Variants in RAMP1 observed in about 807,000 individuals in gnomAD.
RAMP1 encodes receptor activity-modifying protein 1.
Under a neutral mutation model 8.2 loss-of-function variants are expected in RAMP1, and 7 were observed. The ratio of observed to expected loss-of-function variants is 0.85; its 90% confidence interval spans 0.49 to 1.60. RAMP1 has a LOEUF of 1.60. Among genes scored for constraint, RAMP1 ranks in the 40% most tolerant of loss-of-function variants. The probability of loss-of-function intolerance (pLI) is 0.00; values close to 1 mark genes in which losing one functional copy is unlikely to be tolerated. For missense variants in RAMP1, 192 were observed against 202.4 expected, an observed-to-expected ratio of 0.95 and a Z score of 0.31; for synonymous variants, 92 against 84.7, an observed-to-expected ratio of 1.09 and a Z score of -0.47.
chr2:237,905,709 C>A (rs976576655), intron 2 of RAMP1, among the ~76,000 whole-genome samples: 7 of 152,168 alleles, frequency 4.6e-5, no homozygotes. Context: ...AGAGGATCAT[C>A]ATTCAAAGCA....
intron 2 of RAMP1, among the ~76,000 whole-genome samples, chr2:237,890,337 G>A (rs1025406473): frequency 1.3e-5 from 2 of 152,016 alleles, no homozygotes; most frequent in Non-Finnish European, 2.9e-5. Flanking sequence ...GAGTAGCTGG[G>A]ACTACAGGCA....
At chr2:237,864,761 C>T (rs2062170047) in intron 1 of RAMP1, among the ~76,000 whole-genome samples, 1 of 152,218 alleles carries the variant, frequency 6.6e-6, no homozygotes. Flanking sequence ...GCATGTCAAC[C>T]ATGTAGACAT....
In RAMP1 at chr2:237,877,161, G is replaced by A; in HGVS notation, c.53-63G>A. The A allele has an allele frequency of 1.2e-6, 2 of 1,607,916 alleles. No individual in the cohort carries two copies. The highest frequency in any genetic ancestry group is 8.5e-7 in the Non-Finnish European group (1 of 1,178,858). On this transcript the variant is annotated intron_variant, in intron 1 of 2. Transcript: ENST00000254661. This position sits in a 1 kb window ranked among gnomAD's most constrained non-coding sequence, Gnocchi z 4.4. Reference sequence around the variant, plus strand: ...TCCGGGCTGCAGGGGCGCGCGGGCTGGCGGTGATACCCCTAGGCCTCTGCT... The same window carrying A: ...TCCGGGCTGCAGGGGCGCGCGGGCTAGCGGTGATACCCCTAGGCCTCTGCT...
chr2:237,902,300 G>C (rs1259571443), intron 2 of RAMP1, among the ~76,000 whole-genome samples: 1 of 145,680 alleles, frequency 6.9e-6, no homozygotes, highest in Admixed American at 6.8e-5. Flanking sequence ...TCGGGAGGAG[G>C]AGGAGGGGCT....
intron 2 of RAMP1, among the ~76,000 whole-genome samples, chr2:237,904,210 A>G (rs1024957022): frequency 1.3e-5 from 2 of 151,348 alleles, no homozygotes; most frequent in South Asian, 2.1e-4. Context: ...TCGGGAGATC[A>G]AGACCATCCT....
At chr2:237,898,464 AG>A (rs372318166) in intron 2 of RAMP1, among the ~76,000 whole-genome samples, 197 of 152,292 alleles carry the variant, frequency 1.3e-3, no homozygotes, top group African/African-American at 4.6e-3. Flanking sequence ...TGCCAGTCCC[AG>A]GGGGATGGGA....
At chr2:237,860,780 G>T (rs2062126364) in intron 1 of RAMP1, among the ~76,000 whole-genome samples, 1 of 152,192 alleles carries the variant, frequency 6.6e-6, no homozygotes, top group Non-Finnish European at 1.5e-5. Context: ...GACCACCGGC[G>T]CTGTTGTAGC....
At chr2:237,870,253 G>T (rs2062231562) in intron 1 of RAMP1, among the ~76,000 whole-genome samples, 1 of 152,234 alleles carries the variant, frequency 6.6e-6, no homozygotes, top group Non-Finnish European at 1.5e-5. Context: ...CCAAATCCCA[G>T]GGCCTGCCCC....
chr2:237,859,382 A>G (rs942582446), upstream of RAMP1, among the ~76,000 whole-genome samples: 5 of 152,018 alleles, frequency 3.3e-5, no homozygotes, highest in Non-Finnish European at 7.4e-5. Flanking sequence ...AAAAGTGTTT[A>G]TTTGCTCGGA....
chr2:237,905,420 C>T (rs1176163005), intron 2 of RAMP1, among the ~76,000 whole-genome samples: 1 of 152,230 alleles, frequency 6.6e-6, no homozygotes, highest in Non-Finnish European at 1.5e-5. Flanking sequence ...AGAAGGCTGA[C>T]ATATCAAGGA....
chr2:237,902,773 C>T lies in RAMP1; in HGVS notation c.192-8755C>T, dbSNP rs540065475. On this transcript the variant is annotated intron_variant, in intron 2 of 2. Coordinates refer to ENST00000254661, the MANE Select transcript of RAMP1 (RefSeq NM_005855.4). ...ACACCAGGCACGGTGGCTGCAGATG[C>T]AGTGACGCCAACATCTAGTTTCCTG... Among the ~76,000 whole-genome samples, 14 of 152,380 alleles carry T rather than the reference C, an allele frequency of 9.2e-5. No homozygotes were observed. In the East Asian group the frequency reaches 2.7e-3, roughly 29 times the overall value.
intron 2 of RAMP1, among the ~76,000 whole-genome samples, chr2:237,889,659 CA>C (rs2062469554): frequency 6.6e-6 from 1 of 152,002 alleles, no homozygotes; most frequent in Non-Finnish European, 1.5e-5. Context: ...CCTATTTTTC[CA>C]AAAGAACTTA....
intron 2 of RAMP1, among the ~76,000 whole-genome samples, chr2:237,900,198 C>T (rs1050412339): frequency 2.0e-5 from 3 of 152,112 alleles, no homozygotes; most frequent in African/African-American, 7.2e-5. Flanking sequence ...CTGGCTCTGT[C>T]GCCCAGGCTG....
intron 1 of RAMP1, among the ~76,000 whole-genome samples, chr2:237,872,510 C>T (rs1158087254): frequency 6.6e-6 from 1 of 152,226 alleles, no homozygotes; most frequent in Non-Finnish European, 1.5e-5. Flanking sequence ...GGCCAAGGGT[C>T]TCAGAGCCTC....
chr2:237,896,672 G>T (rs746296915), intron 2 of RAMP1, among the ~76,000 whole-genome samples: 2 of 152,220 alleles, frequency 1.3e-5, no homozygotes, highest in Non-Finnish European at 2.9e-5. Context: ...TTAAGGCAGG[G>T]TCTCACTCTG....
chr2:237,910,754 TAGTCACACACAC>T (rs147563359), intron 2 of RAMP1, among the ~76,000 whole-genome samples: 16,532 of 142,860 alleles, frequency 0.12, 1,156 homozygotes, highest in Middle Eastern at 0.25. Context: ...ACACAGAAAA[TAGTCACACACAC>T]AGTCACACAC....
At chr2:237,882,503 T>C (rs1434526213) in intron 2 of RAMP1, among the ~76,000 whole-genome samples, 1 of 152,208 alleles carries the variant, frequency 6.6e-6, no homozygotes, top group Non-Finnish European at 1.5e-5. Flanking sequence ...CTGGTACCCA[T>C]GGCTCCCTCC....
intron 1 of RAMP1, among the ~76,000 whole-genome samples, chr2:237,869,525 G>T (rs1455894018): frequency 6.6e-6 from 1 of 152,156 alleles, no homozygotes; most frequent in Non-Finnish European, 1.5e-5. Context: ...TGTATTAGTG[G>T]AATCATACAG....
chr2:237,861,019 A>G (rs1344701279), intron 1 of RAMP1, among the ~76,000 whole-genome samples: 1 of 152,218 alleles, frequency 6.6e-6, no homozygotes, highest in South Asian at 2.1e-4. Context: ...TTGGCTTGAC[A>G]TGGCCTTCAC....
Sources: gnomAD v4.1 joint callset for allele counts (sites outside exome capture counted in the v4.1 genomes callset) on GRCh38, gnomAD v4.1.1 for gene constraint, Gnocchi (gnomAD v3.1) non-coding constraint, MANE v1.5 for transcripts, NCBI Gene and HGNC (gene_info 2026-07-23, HGNC 2026-07-21) for gene names.